The following OR4F17 variants were observed in gnomAD, a reference collection of about 807,000 sequenced individuals.
OR4F17 encodes olfactory receptor family 4 subfamily F member 17.
For missense variants in OR4F17, 1 was observed against 323.6 expected, an observed-to-expected ratio of 0.00 and a Z score of 7.65; for synonymous variants, 1 against 120.7, an observed-to-expected ratio of 0.01 and a Z score of 6.50.
intron 2 of OR4F17, among the ~76,000 whole-genome samples, 197 bp downstream of exon 2, chr19:107,752 A>G (rs1290142495): frequency 2.2e-5 from 3 of 133,980 alleles, no homozygotes; most frequent in Non-Finnish European, 4.6e-5. Context: ...ATTTATATAT[A>G]TATATATTAT....
intron 2 of OR4F17, among the ~76,000 whole-genome samples, chr19:110,421 G>A: frequency 6.6e-6 from 1 of 152,286 alleles, no homozygotes; most frequent in Non-Finnish European, 1.5e-5. Context: ...TAACATTAAT[G>A]GAGACACTGA....
chr19:108,894 A>G (rs1968667333), intron 2 of OR4F17, among the ~76,000 whole-genome samples: 2 of 152,184 alleles, frequency 1.3e-5, no homozygotes, highest in South Asian at 2.1e-4. Context: ...AATATTTAAG[A>G]TCACTAAATT....
chr19:109,706 T>C (rs1328177694), intron 2 of OR4F17, among the ~76,000 whole-genome samples: 9 of 138,426 alleles, frequency 6.5e-5, no homozygotes, highest in African/African-American at 2.3e-4. Context: ...TTTCCAGATG[T>C]GGCCGTAAGA....
chr19:107,475 C>T lies in OR4F17; in HGVS notation c.-135C>T, dbSNP rs1248191118. 2.3e-6 allele frequency: 1 copy of T among 442,454 alleles called. No individual in the cohort carries two copies. The highest frequency in any genetic ancestry group is 4.5e-6 in the Non-Finnish European group (1 of 223,108). 27.4% of individuals were successfully genotyped at this position (442,454 alleles called of 1,614,324 possible). A position where few individuals can be genotyped will look rare whatever the true frequency, so the allele number is the denominator to read the frequency against. On this transcript the variant is annotated splice_region_variant and 5_prime_UTR_variant, in exon 2 of 3. Transcript: ENST00000585993. ...TCCTTTTCCCCATCTTTCCCCAGGT[C>T]CGGTGTTTTCTTACCCACCTCCTTC...
intron 2 of OR4F17, among the ~76,000 whole-genome samples, chr19:110,180 T>C (rs1441362671): frequency 1.3e-5 from 2 of 149,698 alleles, no homozygotes; most frequent in African/African-American, 2.4e-5. Flanking sequence ...CCTCTGTTAA[T>C]TTTTAAGTAT....
chr19:110,467 G>A (rs1968693462), intron 2 of OR4F17, among the ~76,000 whole-genome samples, 158 bp from the exon 3 acceptor site: 1 of 152,304 alleles, frequency 6.6e-6, no homozygotes, highest in African/African-American at 2.4e-5. Flanking sequence ...GCATAGCCAG[G>A]GAAGTAGTGC....
At chr19:108,909 T>C (rs1436886642) in intron 2 of OR4F17, among the ~76,000 whole-genome samples, 2 of 151,994 alleles carry the variant, frequency 1.3e-5, no homozygotes, top group Non-Finnish European at 2.9e-5. Context: ...TAAATTTTTA[T>C]AGGACTTTAA....
intron 2 of OR4F17, among the ~76,000 whole-genome samples, chr19:110,213 C>CT (rs1217464020): frequency 6.7e-6 from 1 of 149,646 alleles, no homozygotes; most frequent in Non-Finnish European, 1.5e-5. Flanking sequence ...ATTATTTTTT[C>CT]TTTTTTTCTA....
intron 2 of OR4F17, among the ~76,000 whole-genome samples, chr19:107,802 AT>A (rs1968632720): frequency 1.6e-5 from 2 of 125,472 alleles, no homozygotes; most frequent in Non-Finnish European, 3.2e-5. Context: ...TTATATATAT[AT>A]AATATATATT....
intron 2 of OR4F17, among the ~76,000 whole-genome samples, chr19:108,776 G>A (rs1231928047): frequency 6.6e-6 from 1 of 152,140 alleles, no homozygotes; most frequent in African/African-American, 2.4e-5. Context: ...CCTATCATTT[G>A]TACTGTCAAT....
intron 2 of OR4F17, among the ~76,000 whole-genome samples, chr19:108,786 T>C (rs1280356157): frequency 6.6e-6 from 1 of 152,164 alleles, no homozygotes; most frequent in Non-Finnish European, 1.5e-5. Context: ...GTACTGTCAA[T>C]GATTAGTATG....
intron 2 of OR4F17, among the ~76,000 whole-genome samples, chr19:109,549 C>T: frequency 8.3e-6 from 1 of 121,024 alleles, no homozygotes. Context: ...TTTTTATTTT[C>T]CACATCTTGC....
chr19:110,711 T>C lies in OR4F17; in HGVS notation c.33T>C (p.Ser11=). MVTEFIFLGL[S]DSQGLQTFLF... is the part of the protein sequence containing the mutation. ...CTGAATTCATTTTTCTGGGTCTCTC[T>C]GATTCTCAGGGACTCCAGACCTTCC... Residue 11 remains serine (S), a synonymous_variant, in exon 3 of 3, where the codon TCT becomes TCC. Coordinates refer to ENST00000585993, the MANE Select transcript of OR4F17 (RefSeq NM_001005240.3). The C allele has an allele frequency of 6.2e-7, 1 of 1,611,928 alleles. No individual in the cohort carries two copies. Among genetic ancestry groups the C allele is most frequent in the East Asian group, 2.2e-5 (1 of 44,870 alleles).
chr19:107,826 A>T (rs376612721), intron 2 of OR4F17, among the ~76,000 whole-genome samples: 2 of 120,852 alleles, frequency 1.7e-5, no homozygotes, highest in Non-Finnish European at 3.3e-5. Flanking sequence ...ATAATATATA[A>T]TATAAATATA....
At chr19:109,834 C>T (rs564893274) in intron 2 of OR4F17, among the ~76,000 whole-genome samples, 18 of 151,924 alleles carry the variant, frequency 1.2e-4, no homozygotes, top group Non-Finnish European at 2.1e-4. Flanking sequence ...ATACGTTGCT[C>T]GATGGGATCT....
chr19:109,535 A>ATT (rs574604209), intron 2 of OR4F17, among the ~76,000 whole-genome samples: 1 of 119,398 alleles, frequency 8.4e-6, no homozygotes, highest in African/African-American at 3.1e-5. Flanking sequence ...TTGGAATAAC[A>ATT]TTTTTTTTAT....
intron 2 of OR4F17, among the ~76,000 whole-genome samples, chr19:107,833 TATA>T (rs1370391286): frequency 8.3e-6 from 1 of 120,118 alleles, no homozygotes; most frequent in Admixed American, 1.3e-4. Flanking sequence ...ATAATATAAA[TATA>T]ATATAAATTA....
chr19:110,462 G>A, intron 2 of OR4F17, among the ~76,000 whole-genome samples, 163 bp from the exon 3 acceptor site: 1 of 152,422 alleles, frequency 6.6e-6, no homozygotes, highest in East Asian at 1.9e-4. Context: ...ATAAGGCATA[G>A]CCAGGGAAGT....
At chr19:108,196 T>C (rs1260113819) in intron 2 of OR4F17, among the ~76,000 whole-genome samples, 9 of 133,822 alleles carry the variant, frequency 6.7e-5, no homozygotes, top group Admixed American at 6.2e-4. Context: ...TTATATATTA[T>C]ATAAATATAT....
Sources: gnomAD v4.1 joint callset for allele counts (sites outside exome capture counted in the v4.1 genomes callset) on GRCh38, gnomAD v4.1.1 for gene constraint, MANE v1.5 for transcripts, NCBI Gene and HGNC (gene_info 2026-07-23, HGNC 2026-07-21) for gene names.